The following CIMIP5 variants were observed in gnomAD, a reference collection of about 807,000 sequenced individuals.
CIMIP5 encodes the protein uncharacterized protein C2orf50.
At chr2:11,144,259 A>AG in the CIMIP5 span, 3 of 582,924 alleles carry the variant, frequency 5.1e-6, no homozygotes, top group Non-Finnish European at 8.5e-6. Context: ...AGGGGACCCA[A>AG]GGGGTCACTC....
the CIMIP5 span, among the ~76,000 whole-genome samples, chr2:11,138,628 T>C: frequency 3.3e-5 from 5 of 152,118 alleles, no homozygotes; most frequent in South Asian, 2.1e-4. Context: ...TGGAAGGCGA[T>C]TGGATCATGC....
the CIMIP5 span, chr2:11,133,406 AC>A: frequency 1.9e-6 from 3 of 1,611,696 alleles, no homozygotes; most frequent in African/African-American, 2.7e-5. Context: ...CCACCAGGCC[AC>A]CAGCCTCGGT....
At chr2:11,133,908 T>G in the CIMIP5 span, among the ~76,000 whole-genome samples, 6 of 152,238 alleles carry the variant, frequency 3.9e-5, no homozygotes, top group South Asian at 2.1e-4. Flanking sequence ...GAGCTGGCTG[T>G]CTGACCTGAC....
chr2:11,142,271 A>C, the CIMIP5 span, among the ~76,000 whole-genome samples: 1 of 151,358 alleles, frequency 6.6e-6, no homozygotes, highest in Non-Finnish European at 1.5e-5. Flanking sequence ...AGTCTCAAAA[A>C]AAAAAAAAAA....
the CIMIP5 span, among the ~76,000 whole-genome samples, chr2:11,135,662 T>C: frequency 1.2e-5 from 1 of 83,546 alleles, no homozygotes; most frequent in Non-Finnish European, 2.1e-5. Context: ...TTTGGGGTTT[T>C]TTTGGTTTTT....
At chr2:11,142,729 T>C in the CIMIP5 span, among the ~76,000 whole-genome samples, 10 of 149,102 alleles carry the variant, frequency 6.7e-5, no homozygotes, top group African/African-American at 2.5e-4. Context: ...TTTTTTTTTT[T>C]TTTTTTTTGA....
the CIMIP5 span, among the ~76,000 whole-genome samples, chr2:11,142,320 A>G: frequency 2.0e-5 from 3 of 151,732 alleles, no homozygotes; most frequent in Non-Finnish European, 4.4e-5. Flanking sequence ...AAGATGAGCA[A>G]TATGGAAAGT....
chr2:11,149,026 G>A, the CIMIP5 span, among the ~76,000 whole-genome samples: 1 of 152,142 alleles, frequency 6.6e-6, no homozygotes, highest in East Asian at 1.9e-4. Flanking sequence ...GAGCCACTGC[G>A]CCTGGCCATG....
the CIMIP5 span, among the ~76,000 whole-genome samples, chr2:11,146,219 C>T: frequency 6.6e-6 from 1 of 152,126 alleles, no homozygotes; most frequent in Non-Finnish European, 1.5e-5. Flanking sequence ...TCTCAGCAAC[C>T]CTATGAGATA....
At chr2:11,142,195 G>A in the CIMIP5 span, among the ~76,000 whole-genome samples, 1 of 150,830 alleles carries the variant, frequency 6.6e-6, no homozygotes, top group Non-Finnish European at 1.5e-5. Context: ...GAACCTGGGA[G>A]GCAGAGGTTG....
chr2:11,140,505 T>A, the CIMIP5 span: 2 of 1,561,520 alleles, frequency 1.3e-6, no homozygotes, highest in Admixed American at 3.4e-5. Context: ...GTTTTTCCTT[T>A]CCAGGATTCA....
chr2:11,139,903 A>G, the CIMIP5 span, among the ~76,000 whole-genome samples: 1 of 150,846 alleles, frequency 6.6e-6, no homozygotes, highest in South Asian at 2.1e-4. Context: ...CCTGACCAAT[A>G]TGGTGAAACC....
At chr2:11,144,674 CCA>C in the CIMIP5 span, 25,079 of 152,056 alleles carry the variant, frequency 0.16, 5,989 homozygotes, top group African/African-American at 0.53. Flanking sequence ...CACATTTTTT[CCA>C]GTTTCTCAAG....
chr2:11,134,577 T>C, the CIMIP5 span, among the ~76,000 whole-genome samples: 2 of 152,338 alleles, frequency 1.3e-5, no homozygotes, highest in Middle Eastern at 6.8e-3. Flanking sequence ...TTGTGCAATA[T>C]TTGACTTTCC....
the CIMIP5 span, among the ~76,000 whole-genome samples, chr2:11,142,777 T>C: frequency 6.9e-6 from 1 of 145,006 alleles, no homozygotes; most frequent in East Asian, 2.1e-4. Context: ...TGGAGTGAAG[T>C]AGCATGATCA....
the CIMIP5 span, among the ~76,000 whole-genome samples, chr2:11,137,607 AAAGT>A: frequency 5.3e-5 from 8 of 152,308 alleles, no homozygotes; most frequent in South Asian, 1.4e-3. Flanking sequence ...GTCTAAAGAG[AAAGT>A]AAGTGAGAAT....
At chr2:11,140,755 AGT>A in the CIMIP5 span, among the ~76,000 whole-genome samples, 1 of 152,178 alleles carries the variant, frequency 6.6e-6, no homozygotes, top group Non-Finnish European at 1.5e-5. Flanking sequence ...TGTTTCCCTC[AGT>A]GTTTCTTAAT....
At chr2:11,134,973 A>G in the CIMIP5 span, among the ~76,000 whole-genome samples, 1 of 152,190 alleles carries the variant, frequency 6.6e-6, no homozygotes, top group Non-Finnish European at 1.5e-5. Flanking sequence ...AAGGTGAAGG[A>G]GGAGCAGGCA....
chr2:11,151,705 G>A, the CIMIP5 span, among the ~76,000 whole-genome samples: 4 of 152,210 alleles, frequency 2.6e-5, no homozygotes, highest in South Asian at 2.1e-4. Flanking sequence ...GCACGATCTC[G>A]GCCCAGTGCA....
Sources: gnomAD v4.1 joint callset for allele counts (sites outside exome capture counted in the v4.1 genomes callset) on GRCh38, gnomAD v4.1.1 for gene constraint, MANE v1.5 for transcripts, NCBI Gene and HGNC (gene_info 2026-07-23, HGNC 2026-07-21) for gene names.